Variants in TENM1 observed in about 807,000 individuals in gnomAD.
TENM1 encodes teneurin-1.
A neutral mutation model predicts 174.8 loss-of-function variants in TENM1; 35 were observed. The observed-to-expected ratio is 0.20, with a 90% CI of 0.15 to 0.27. TENM1 has a LOEUF of 0.27. TENM1 is among the 10% of genes least tolerant of loss of function. The probability of loss-of-function intolerance (pLI) is 1.00; values close to 1 mark genes in which losing one functional copy is unlikely to be tolerated. For synonymous variants in TENM1, 781 were observed against 798.7 expected (o/e 0.98, Z 0.37); for missense variants, 1,633 against 2,130.1 (o/e 0.77, Z 4.59).
rs182073115 is a variant in TENM1 at position 124,707,298 on chromosome X, T to C, written c.777-2047A>G. Among the ~76,000 whole-genome samples the C allele has an allele frequency of 4.4e-3, 499 of 112,287 alleles. 2 individuals carry two copies. Among genetic ancestry groups the C allele is most frequent in the African/African-American group, 0.016 (487 of 30,934 alleles). On this transcript the variant is annotated intron_variant, in intron 4 of 31. Transcript: ENST00000422452. ...GATTACAGGCATGAGCCACTGTGCC[T>C]GGCCAATCATTTTTTATAAACTTTT...
At chrX:124,756,108 C>T (rs1348848286) in intron 3 of TENM1, among the ~76,000 whole-genome samples, 5 of 105,198 alleles carry the variant, frequency 4.8e-5, no homozygotes, top group Non-Finnish European at 5.7e-5. Flanking sequence ...CCATTCTCCC[C>T]GTCACTTTCA....
At chrX:124,494,666 C>T (rs1473781902) in intron 20 of TENM1, among the ~76,000 whole-genome samples, 8 of 106,642 alleles carry the variant, frequency 7.5e-5, no homozygotes, top group Admixed American at 6.1e-4. Context: ...TCCCCCCTTC[C>T]CCCACCCCAC....
rs781372184 is a variant in TENM1, at chrX:124,585,489, C to G, written c.2078-19929G>C. Among the ~76,000 whole-genome samples the G allele has an allele frequency of 3.6e-3, 401 of 111,006 alleles. 1 individual carries two copies. Among genetic ancestry groups the G allele is most frequent in the Non-Finnish European group, 5.3e-3 (281 of 52,897 alleles). On this transcript the variant is annotated intron_variant, in intron 11 of 31. Transcript: ENST00000422452. The stretch of plus-strand genomic sequence containing the variant: ...AATAAAGATGTTCTTTGAAACCAAC[C>G]AGAACAAAGACACAACATACCAGAA...
At chrX:124,967,354 C>G (rs989239722), upstream of TENM1, among the ~76,000 whole-genome samples, 3 of 111,343 alleles carry the variant, frequency 2.7e-5, no homozygotes, top group Non-Finnish European at 5.7e-5. Flanking sequence ...GACTTTCACC[C>G]AGAAAAGGAA....
At chrX:124,384,043 C>T (rs766264450) in exon 30 of TENM1, 21 of 1,209,531 alleles carry the variant, frequency 1.7e-5, no homozygotes, top group African/African-American at 8.8e-5. Context: ...ATGTAATCTC[C>T]GAGCTTGTGT....
chrX:124,806,419 G>A (rs1453010802), intron 3 of TENM1, among the ~76,000 whole-genome samples: 7 of 111,836 alleles, frequency 6.3e-5, no homozygotes. Flanking sequence ...GCAGAAAAAC[G>A]TCCAAACCTT....
the TENM1 span, among the ~76,000 whole-genome samples, chrX:125,181,299 G>C: frequency 9.0e-6 from 1 of 110,918 alleles, no homozygotes; most frequent in Non-Finnish European, 1.9e-5. Flanking sequence ...ATCTTCTCTT[G>C]GTTTTAAACC....
At chrX:124,972,804 T>C in the TENM1 span, among the ~76,000 whole-genome samples, 1 of 112,454 alleles carries the variant, frequency 8.9e-6, no homozygotes, top group Non-Finnish European at 1.9e-5. Flanking sequence ...GCATGGTACA[T>C]AGACATTCTA....
At chrX:124,504,359 C>T (rs182973977) in intron 18 of TENM1, among the ~76,000 whole-genome samples, 2 of 112,266 alleles carry the variant, frequency 1.8e-5, no homozygotes, top group African/African-American at 6.5e-5. Flanking sequence ...TCCTCAACTG[C>T]TATGCAGCAC....
chrX:124,786,169 C>A (rs749641733), intron 3 of TENM1, among the ~76,000 whole-genome samples: 1 of 111,286 alleles, frequency 9.0e-6, no homozygotes, highest in East Asian at 2.8e-4. Flanking sequence ...TAATACTGCA[C>A]TATATTCTCT....
intron 5 of TENM1, among the ~76,000 whole-genome samples, chrX:124,699,919 G>C (rs181211594): frequency 1.8e-3 from 204 of 111,341 alleles, no homozygotes; most frequent in Non-Finnish European, 3.0e-3. Context: ...TGAATAGGAG[G>C]AAAAGTCAAT....
intron 5 of TENM1, among the ~76,000 whole-genome samples, chrX:124,696,876 T>G (rs1302809930): frequency 9.0e-6 from 1 of 111,217 alleles, no homozygotes; most frequent in Non-Finnish European, 1.9e-5. Flanking sequence ...AGCAAAGTCT[T>G]TGTCTGTGTA....
At chrX:125,172,324 C>T in the TENM1 span, among the ~76,000 whole-genome samples, 2 of 106,397 alleles carry the variant, frequency 1.9e-5, no homozygotes, top group South Asian at 7.9e-4. Flanking sequence ...CAACCTCACC[C>T]CCCCCCATTT....
At chrX:125,136,554 G>C in the TENM1 span, among the ~76,000 whole-genome samples, 15 of 111,412 alleles carry the variant, frequency 1.3e-4, no homozygotes, top group African/African-American at 3.6e-4. Context: ...ACCTAGTACT[G>C]ATTACTACTA....
chrX:125,202,436 A>G, the TENM1 span, among the ~76,000 whole-genome samples: 3 of 112,102 alleles, frequency 2.7e-5, no homozygotes, highest in African/African-American at 9.7e-5. Context: ...TAGCACTGAG[A>G]ACTTCTCTTT....
intron 5 of TENM1, among the ~76,000 whole-genome samples, chrX:124,686,830 A>G (rs774067547): frequency 8.9e-6 from 1 of 112,181 alleles, no homozygotes; most frequent in African/African-American, 3.2e-5. Flanking sequence ...AATGGGCAAA[A>G]GCTGGAAGCA....
chrX:125,186,603 T>A, the TENM1 span, among the ~76,000 whole-genome samples: 5 of 103,985 alleles, frequency 4.8e-5, no homozygotes, highest in African/African-American at 7.0e-5. Context: ...TGGCACACAC[T>A]CTCTCTCTCT....
At chrX:125,127,258 C>T in the TENM1 span, among the ~76,000 whole-genome samples, 4 of 111,602 alleles carry the variant, frequency 3.6e-5, 1 homozygote, top group African/African-American at 1.3e-4. Context: ...CACTCTACTA[C>T]TTTTTTCAAA....
chrX:124,782,760 C>T (rs976446319), intron 3 of TENM1, among the ~76,000 whole-genome samples: 1 of 110,425 alleles, frequency 9.1e-6, no homozygotes, highest in East Asian at 2.8e-4. Context: ...CCTTGAAGAC[C>T]GATATTGCAT....
Sources: gnomAD v4.1 joint callset for allele counts (sites outside exome capture counted in the v4.1 genomes callset) on GRCh38, gnomAD v4.1.1 for gene constraint, MANE v1.5 for transcripts, NCBI Gene and HGNC (gene_info 2026-07-23, HGNC 2026-07-21) for gene names.